CERT1: variants seen among roughly 807,000 people sequenced by gnomAD.
CERT1 encodes the protein ceramide transporter 1, also known as ceramide transfer protein.
CERT1 carries 31 observed loss-of-function variants against 87.9 expected under a neutral mutation model. That is an observed-to-expected ratio of 0.35 (90% CI 0.27 to 0.48). The LOEUF (loss-of-function observed/expected upper bound fraction) is 0.48. Ranked by LOEUF, CERT1 falls within the 20% of genes least tolerant of loss-of-function variation. CERT1 has a pLI of 0.99. For synonymous variants in CERT1, 289 were observed against 250.9 expected (o/e 1.15, Z -1.44); for missense variants, 487 against 758.0 (o/e 0.64, Z 4.20).
chr5:75,396,220 A>C (rs1314625636), intron 11 of CERT1, among the ~76,000 whole-genome samples: 1 of 152,204 alleles, frequency 6.6e-6, no homozygotes, highest in Admixed American at 6.5e-5. Flanking sequence ...TGATCAAGAA[A>C]CTAGATATGG....
chr5:75,424,216 T>C (rs1016578016), intron 5 of CERT1, among the ~76,000 whole-genome samples: 2 of 152,178 alleles, frequency 1.3e-5, no homozygotes, highest in Admixed American at 1.3e-4. Flanking sequence ...TAAATGTACA[T>C]ACAATTATTA....
At chr5:75,392,410 T>G (rs979651799) in intron 11 of CERT1, among the ~76,000 whole-genome samples, 10 of 152,248 alleles carry the variant, frequency 6.6e-5, no homozygotes, top group African/African-American at 2.4e-4. Flanking sequence ...AATGAAGTAC[T>G]AAATTACTGC....
intron 3 of CERT1, among the ~76,000 whole-genome samples, chr5:75,437,781 A>AG (rs202059841): frequency 0.075 from 11,316 of 150,468 alleles, 524 homozygotes; most frequent in South Asian, 0.17. Flanking sequence ...AAAAAAAAAA[A>AG]AAAAAGAAAA....
At chr5:75,429,785 G>A (rs1051882450) in intron 3 of CERT1, among the ~76,000 whole-genome samples, 1 of 148,222 alleles carries the variant, frequency 6.7e-6, no homozygotes, top group Non-Finnish European at 1.5e-5. Flanking sequence ...TCCTGGCAGT[G>A]TTAAGTGCTG....
At chr5:75,501,704 T>C (rs955840408) in intron 2 of CERT1, among the ~76,000 whole-genome samples, 8 of 152,154 alleles carry the variant, frequency 5.3e-5, no homozygotes, top group African/African-American at 1.9e-4. Context: ...TATGGGACCG[T>C]AATATATGAT....
chr5:75,431,955 T>C (rs1275591711), intron 3 of CERT1, among the ~76,000 whole-genome samples: 1 of 152,226 alleles, frequency 6.6e-6, no homozygotes, highest in Non-Finnish European at 1.5e-5. Context: ...GCTGGTCAAA[T>C]GGTAGTTCTG....
intron 17 of CERT1, chr5:75,370,181 T>A (rs1312381568): frequency 6.6e-6 from 1 of 152,216 alleles, no homozygotes; most frequent in East Asian, 1.9e-4. Context: ...TCCCACCAGA[T>A]TAAGTAGTTG....
intron 11 of CERT1, among the ~76,000 whole-genome samples, chr5:75,399,042 A>G (rs1283215075): frequency 6.6e-6 from 1 of 152,192 alleles, no homozygotes; most frequent in African/African-American, 2.4e-5. Flanking sequence ...AAAACCCAGT[A>G]TCTTCTATTT....
chr5:75,444,346 G>A (rs749915496), intron 3 of CERT1, among the ~76,000 whole-genome samples: 3 of 151,814 alleles, frequency 2.0e-5, no homozygotes, highest in South Asian at 4.2e-4. Flanking sequence ...GAGCCACTGC[G>A]CCTGGCCTGA....
At chr5:75,372,135 T>A (rs1225056830) in intron 17 of CERT1, 1 of 152,236 alleles carries the variant, frequency 6.6e-6, no homozygotes, top group African/African-American at 2.4e-5. Context: ...GATTTAGATA[T>A]TGCTTTGTAA....
At chr5:75,461,161 C>A (rs1303213244) in intron 2 of CERT1, among the ~76,000 whole-genome samples, 1 of 152,150 alleles carries the variant, frequency 6.6e-6, no homozygotes, top group African/African-American at 2.4e-5. Flanking sequence ...AGGTCACAAA[C>A]CCGTGCCAGT....
intron 3 of CERT1, among the ~76,000 whole-genome samples, chr5:75,429,438 G>A (rs1205827930): frequency 2.6e-5 from 4 of 152,176 alleles, no homozygotes; most frequent in African/African-American, 9.6e-5. Flanking sequence ...CCTAACGTCA[G>A]GTGATCCACC....
intron 3 of CERT1, among the ~76,000 whole-genome samples, chr5:75,437,837 A>G (rs1454177838): frequency 6.6e-6 from 1 of 151,876 alleles, no homozygotes; most frequent in African/African-American, 2.4e-5. Context: ...TTGTTATTCA[A>G]TTTAATAATG....
intron 3 of CERT1, among the ~76,000 whole-genome samples, chr5:75,437,170 A>AT (rs995113071): frequency 5.9e-5 from 9 of 152,162 alleles, no homozygotes; most frequent in African/African-American, 2.2e-4. Context: ...AAAACTACTG[A>AT]TTTTTTAAAA....
At chr5:75,426,559 A>G in intron 3 of CERT1, 81 bp from the exon 4 acceptor site, 1 of 984,782 alleles carries the variant, frequency 1.0e-6, no homozygotes, top group South Asian at 1.5e-5. Flanking sequence ...TGAATTAACA[A>G]GGTTATTATA....
At chr5:75,418,962 T>C (rs1763257919) in intron 6 of CERT1, among the ~76,000 whole-genome samples, 1 of 152,196 alleles carries the variant, frequency 6.6e-6, no homozygotes. Context: ...GTCAATTGTA[T>C]CTCAATAAAG....
intron 8 of CERT1, among the ~76,000 whole-genome samples, chr5:75,404,621 TATTC>T (rs1043406269): frequency 1.1e-4 from 16 of 152,364 alleles, no homozygotes; most frequent in African/African-American, 3.8e-4. Flanking sequence ...AAAATATTAA[TATTC>T]ATTCAATCTA....
rs531669867 is a variant in CERT1 at position 75,390,097 on chromosome 5, G to T, written c.1189-410C>A. 1.3e-4 allele frequency among the ~76,000 whole-genome samples: 20 copies of T among 152,310 alleles called. 1 individual carries two copies. Among genetic ancestry groups the T allele is most frequent in the Admixed American group, 4.6e-4 (7 of 15,296 alleles). ...CTAATGTTCCTATATTTAAGATTAT[G>T]TGGAGATATCAGGAAGGTCTGGTAT... On this transcript the variant is annotated intron_variant, in intron 11 of 16. Coordinates refer to ENST00000643780, the MANE Select transcript of CERT1 (RefSeq NM_001379029.1).
intron 3 of CERT1, among the ~76,000 whole-genome samples, chr5:75,442,643 A>G (rs895367553): frequency 6.6e-6 from 1 of 152,212 alleles, no homozygotes; most frequent in African/African-American, 2.4e-5. Context: ...TTCTATAGTC[A>G]GTAGTACAGT....
Sources: allele counts gnomAD v4.1 joint callset (sites outside exome capture counted in the v4.1 genomes callset), GRCh38; gene constraint gnomAD v4.1.1; transcripts MANE v1.5; gene names NCBI Gene and HGNC (gene_info 2026-07-23, HGNC 2026-07-21).